Variants in MTHFD1L observed in about 807,000 individuals in gnomAD.
MTHFD1L encodes methylenetetrahydrofolate dehydrogenase (NADP+ dependent) 1 like.
Under a neutral mutation model 119.5 loss-of-function variants are expected in MTHFD1L, and 81 were observed. That is an observed-to-expected ratio of 0.68 (90% CI 0.57 to 0.82). The LOEUF is 0.82. Ranked by LOEUF, MTHFD1L falls within the 40% of genes least tolerant of loss-of-function variation. The pLI is 0.00. For missense variants in MTHFD1L, 1,125 were observed against 1,253.4 expected (o/e 0.90, Z 1.55); for synonymous variants, 430 against 475.2 (o/e 0.90, Z 1.24).
chr6:150,961,089 C>CTTTTTTTTTT, intron 18 of MTHFD1L, among the ~76,000 whole-genome samples: 1 of 113,406 alleles, frequency 8.8e-6, no homozygotes, highest in Non-Finnish European at 1.8e-5. Flanking sequence ...TTCCTGTTAA[C>CTTTTTTTTTT]TTTTTTTTTT....
At chr6:151,035,962 T>C (rs1387734803) in intron 25 of MTHFD1L, among the ~76,000 whole-genome samples, 1 of 152,206 alleles carries the variant, frequency 6.6e-6, no homozygotes, top group South Asian at 2.1e-4. Context: ...AAAATTCTTA[T>C]CGGTATAGAA....
intron 18 of MTHFD1L, among the ~76,000 whole-genome samples, chr6:150,962,188 C>T (rs1166785953): frequency 2.0e-5 from 3 of 152,062 alleles, no homozygotes; most frequent in South Asian, 2.1e-4. Flanking sequence ...TGGGGTTTCA[C>T]CATTTTGGCC....
At chr6:150,973,336 C>G (rs1042217650) in intron 20 of MTHFD1L, among the ~76,000 whole-genome samples, 1 of 152,194 alleles carries the variant, frequency 6.6e-6, no homozygotes, top group African/African-American at 2.4e-5. Flanking sequence ...TGGTGGAGCT[C>G]CACTCCTCCA....
chr6:150,896,943 T>TAA (rs59564631), intron 7 of MTHFD1L, among the ~76,000 whole-genome samples: 1 of 146,546 alleles, frequency 6.8e-6, no homozygotes, highest in African/African-American at 2.5e-5. Flanking sequence ...CTGTCTCTAC[T>TAA]AAAAAAAAAA....
At chr6:151,086,488 C>T (rs73622473) in intron 26 of MTHFD1L, among the ~76,000 whole-genome samples, 12,862 of 152,104 alleles carry the variant, frequency 0.085, 939 homozygotes, top group African/African-American at 0.19. Context: ...GTTTGTTTCC[C>T]ATTTTGTAAT....
intron 13 of MTHFD1L, among the ~76,000 whole-genome samples, chr6:150,944,241 C>T (rs191531204): frequency 1.1e-4 from 17 of 152,266 alleles, no homozygotes; most frequent in Admixed American, 3.3e-4. Context: ...GGCCCAAGAG[C>T]TCATAACCAG....
At chr6:150,991,273 AATT>A (rs1779025886) in intron 20 of MTHFD1L, among the ~76,000 whole-genome samples, 1 of 152,182 alleles carries the variant, frequency 6.6e-6, no homozygotes. Flanking sequence ...AAAAAAAAAA[AATT>A]ATTGTTGGTA....
chr6:150,932,945 G>A (rs1583634280), intron 11 of MTHFD1L, among the ~76,000 whole-genome samples: 1 of 152,050 alleles, frequency 6.6e-6, no homozygotes, highest in Non-Finnish European at 1.5e-5. Flanking sequence ...TCATTCTTTC[G>A]TATATCCCCG....
At chr6:150,907,313 A>G (rs1170685890) in intron 8 of MTHFD1L, among the ~76,000 whole-genome samples, 1 of 151,958 alleles carries the variant, frequency 6.6e-6, no homozygotes, top group Non-Finnish European at 1.5e-5. Context: ...TCCTTTTAGG[A>G]CCCTTATTTT....
In MTHFD1L at chr6:150,930,423, A is replaced by G. The variant is rs148244122; in HGVS notation, c.1256+4128A>G. ...TGCAACTTCTTTAAAAATATAAATGACCCCTCCATTAAATGGAGAATTATT... is the reference window on the plus strand; with the variant it reads ...TGCAACTTCTTTAAAAATATAAATGGCCCCTCCATTAAATGGAGAATTATT... On this transcript the variant is annotated intron_variant, in intron 11 of 27. Transcript: ENST00000367321. Among the ~76,000 whole-genome samples the G allele has an allele frequency of 9.8e-3, 1,497 of 152,156 alleles. 11 individuals are homozygous for G. Among genetic ancestry groups the G allele is most frequent in the Middle Eastern group, 0.017 (5 of 294 alleles).
chr6:150,990,377 G>A (rs1258009278), intron 20 of MTHFD1L, among the ~76,000 whole-genome samples: 1 of 152,120 alleles, frequency 6.6e-6, no homozygotes, highest in Non-Finnish European at 1.5e-5. Context: ...AATAGCAGAG[G>A]AATACCCTGG....
At chr6:150,881,548 A>G (rs1389749075) in intron 4 of MTHFD1L, among the ~76,000 whole-genome samples, 1 of 152,130 alleles carries the variant, frequency 6.6e-6, no homozygotes, top group Non-Finnish European at 1.5e-5. Flanking sequence ...ACAGGTGGCA[A>G]TAGTTTCCTC....
At chr6:150,992,475 A>C (rs1266941818) in intron 20 of MTHFD1L, among the ~76,000 whole-genome samples, 1 of 152,214 alleles carries the variant, frequency 6.6e-6, no homozygotes, top group Non-Finnish European at 1.5e-5. Flanking sequence ...GGGATACTGA[A>C]CTCAGCTATG....
chr6:150,869,882 CCCTCAGCCT>C (rs1355006257), intron 1 of MTHFD1L, among the ~76,000 whole-genome samples: 2 of 151,988 alleles, frequency 1.3e-5, no homozygotes, highest in Admixed American at 1.3e-4. Context: ...TGACCATAAT[CCCTCAGCCT>C]CCCAAGTAGC....
intron 18 of MTHFD1L, 79 bp from the exon 19 acceptor site, chr6:150,964,890 C>G: frequency 1.4e-6 from 2 of 1,414,724 alleles, no homozygotes; most frequent in Non-Finnish European, 2.0e-6. Flanking sequence ...AAGAAGCAGG[C>G]TGGAGAGAAG....
At chr6:150,932,301 G>A (rs1482579094) in intron 11 of MTHFD1L, among the ~76,000 whole-genome samples, 1 of 152,062 alleles carries the variant, frequency 6.6e-6, no homozygotes, top group Non-Finnish European at 1.5e-5. Context: ...GGCCTGGTAG[G>A]CGAGACAGGC....
chr6:150,910,286 G>T (rs975359858), intron 8 of MTHFD1L, among the ~76,000 whole-genome samples: 1 of 151,986 alleles, frequency 6.6e-6, no homozygotes, highest in African/African-American at 2.4e-5. Flanking sequence ...ATTCTTGGCC[G>T]GATGCGGTGG....
At chr6:150,919,075 A>G (rs796653889) in intron 9 of MTHFD1L, among the ~76,000 whole-genome samples, 2 of 151,748 alleles carry the variant, frequency 1.3e-5, no homozygotes, top group African/African-American at 2.4e-5. Flanking sequence ...AAGCAGGAGG[A>G]TCGCTTGAAC....
rs115602287 is a variant in MTHFD1L at position 151,077,551 on chromosome 6, C to T, written c.2848-14916C>T. On this transcript the variant is annotated intron_variant, in intron 26 of 27. Coordinates refer to ENST00000367321, the MANE Select transcript of MTHFD1L (RefSeq NM_015440.5). ...TGGTTTTTTCCTTGGGCTGGTGGCA[C>T]GCATCTGTAATCCTAGCTACTCGGG... is the stretch of plus-strand genomic sequence containing the variant. Among the ~76,000 whole-genome samples the T allele has an allele frequency of 6.5e-3, 988 of 152,110 alleles. 12 individuals carry two copies. Among genetic ancestry groups the T allele is most frequent in the African/African-American group, 0.022 (931 of 41,492 alleles).
Sources: allele counts gnomAD v4.1 joint callset (sites outside exome capture counted in the v4.1 genomes callset), GRCh38; gene constraint gnomAD v4.1.1; transcripts MANE v1.5; gene names NCBI Gene and HGNC (gene_info 2026-07-23, HGNC 2026-07-21).